KCND2: variants seen among roughly 807,000 people sequenced by gnomAD.
KCND2 encodes A-type voltage-gated potassium channel KCND2.
A neutral mutation model predicts 54.4 loss-of-function variants in KCND2; 16 were observed. That is an observed-to-expected ratio of 0.29 (90% confidence interval 0.20 to 0.45). The LOEUF (loss-of-function observed/expected upper bound fraction) is 0.45, where lower values mean the gene tolerates loss of function less well. Ranked by LOEUF, KCND2 falls within the 20% of genes least tolerant of loss-of-function variation. KCND2 has a pLI of 1.00. For missense variants in KCND2, 486 were observed against 824.2 expected, an observed-to-expected ratio of 0.59 and a Z score of 5.02; for synonymous variants, 317 against 310.7, an observed-to-expected ratio of 1.02 and a Z score of -0.21.
At position 120,719,043 on chromosome 7, in the gene KCND2, A is replaced by G. The variant is rs554672546; in HGVS notation, c.1116-13860A>G. On this transcript the variant is annotated intron_variant, in intron 1 of 5. Coordinates refer to ENST00000331113, the MANE Select transcript of KCND2 (RefSeq NM_012281.3). ...TTTGTGATCAGCATCAAAGTTTCCA[A>G]CTCCCTATAGAAACTAGATACGTTT... Among the ~76,000 whole-genome samples, 9 of 152,204 alleles carry G rather than the reference A, an allele frequency of 5.9e-5. No individual in the cohort carries two copies. In the East Asian group the frequency reaches 1.5e-3, roughly 26 times the overall value.
chr7:120,550,272 G>T (rs767034228), intron 1 of KCND2, among the ~76,000 whole-genome samples: 1 of 152,004 alleles, frequency 6.6e-6, no homozygotes, highest in Non-Finnish European at 1.5e-5. Flanking sequence ...GCTTAGTGAG[G>T]CATGCAGTGA....
intron 1 of KCND2, among the ~76,000 whole-genome samples, chr7:120,430,790 C>T (rs1455854556): frequency 1.3e-5 from 2 of 152,216 alleles, no homozygotes; most frequent in Non-Finnish European, 2.9e-5. Flanking sequence ...CAGCCATCTT[C>T]TGTAAGCCAC....
intron 1 of KCND2, among the ~76,000 whole-genome samples, chr7:120,634,393 A>C (rs1055035086): frequency 6.6e-6 from 1 of 152,132 alleles, no homozygotes; most frequent in Non-Finnish European, 1.5e-5. Context: ...TCCCTACTTG[A>C]ATGTCTCAAA....
intron 1 of KCND2, among the ~76,000 whole-genome samples, chr7:120,487,648 A>G (rs934180428): frequency 3.9e-5 from 6 of 152,120 alleles, no homozygotes; most frequent in Non-Finnish European, 7.4e-5. Context: ...TGCAGTGACC[A>G]TGTGTGGTCT....
At chr7:120,604,762 G>A (rs1792860361) in intron 1 of KCND2, among the ~76,000 whole-genome samples, 1 of 150,910 alleles carries the variant, frequency 6.6e-6, no homozygotes, top group Admixed American at 6.6e-5. Context: ...AGTACAGAAT[G>A]TAACAAGAAA....
intron 1 of KCND2, among the ~76,000 whole-genome samples, chr7:120,353,301 C>T (rs1460290961): frequency 1.3e-5 from 2 of 151,868 alleles, no homozygotes; most frequent in Non-Finnish European, 2.9e-5. Flanking sequence ...TTCTTCAAAA[C>T]CTACCTACAG....
chr7:120,363,308 T>C (rs1485201445), intron 1 of KCND2, among the ~76,000 whole-genome samples: 6 of 152,006 alleles, frequency 3.9e-5, no homozygotes, highest in Non-Finnish European at 8.8e-5. Context: ...CATCTATATA[T>C]ATATATCTCC....
At chr7:120,350,821 A>G (rs910491481) in intron 1 of KCND2, among the ~76,000 whole-genome samples, 4 of 152,184 alleles carry the variant, frequency 2.6e-5, no homozygotes, top group Admixed American at 1.3e-4. Flanking sequence ...GCCAACTTCT[A>G]AGTTGTGTTT....
At chr7:120,478,296 A>T (rs1802558483) in intron 1 of KCND2, among the ~76,000 whole-genome samples, 1 of 152,176 alleles carries the variant, frequency 6.6e-6, no homozygotes, top group African/African-American at 2.4e-5. Context: ...GACACTTTTA[A>T]ATTGTCCTTT....
intron 1 of KCND2, among the ~76,000 whole-genome samples, chr7:120,312,887 G>A (rs1374232461): frequency 1.3e-5 from 2 of 152,058 alleles, no homozygotes; most frequent in Admixed American, 6.5e-5. Context: ...AGGAAAACTT[G>A]TGACTTTTTT....
intron 1 of KCND2, among the ~76,000 whole-genome samples, chr7:120,281,510 C>T (rs1250089075): frequency 1.3e-5 from 2 of 151,658 alleles, no homozygotes; most frequent in African/African-American, 4.8e-5. Context: ...CTTTAGTTTT[C>T]TCCTTTGAGA....
In KCND2 at chr7:120,297,550, T is replaced by A. The variant is rs563188163; in HGVS notation, c.1115+21803T>A. On this transcript the variant is annotated intron_variant, in intron 1 of 5. Transcript: ENST00000331113. Reference sequence around the variant, plus strand: ...GATATCTTGTTGATACAATGACCTATTTTTCCTCTGAGCAGATACCCAGAG... The same window carrying A: ...GATATCTTGTTGATACAATGACCTAATTTTCCTCTGAGCAGATACCCAGAG... Among the ~76,000 whole-genome samples the A allele has an allele frequency of 5.9e-5, 9 of 152,220 alleles. No individual in the cohort carries two copies. In the East Asian group the frequency reaches 1.5e-3, roughly 26 times the overall value.
At chr7:120,715,664 G>C (rs1398873582) in intron 1 of KCND2, among the ~76,000 whole-genome samples, 1 of 152,080 alleles carries the variant, frequency 6.6e-6, no homozygotes, top group Admixed American at 6.6e-5. Flanking sequence ...CTACTGAACA[G>C]TACATCACAC....
chr7:120,699,335 A>C (rs1409807398), intron 1 of KCND2, among the ~76,000 whole-genome samples: 1 of 152,194 alleles, frequency 6.6e-6, no homozygotes, highest in Non-Finnish European at 1.5e-5. Context: ...TTATGGATCA[A>C]TTTGCAAAGG....
At chr7:120,645,529 G>T (rs1204369116) in intron 1 of KCND2, among the ~76,000 whole-genome samples, 1 of 152,026 alleles carries the variant, frequency 6.6e-6, no homozygotes, top group Non-Finnish European at 1.5e-5. Flanking sequence ...CACATGACAA[G>T]TGGCATGCTA....
At chr7:120,378,492 G>A (rs941920718) in intron 1 of KCND2, among the ~76,000 whole-genome samples, 3 of 151,914 alleles carry the variant, frequency 2.0e-5, no homozygotes, top group African/African-American at 7.2e-5. Context: ...TTCTTTAGTG[G>A]CCGCTGTATT....
chr7:120,625,084 G>T (rs1294206984), intron 1 of KCND2, among the ~76,000 whole-genome samples: 1 of 152,038 alleles, frequency 6.6e-6, no homozygotes, highest in Non-Finnish European at 1.5e-5. Context: ...ATGAGACTTG[G>T]CCCATACTCT....
intron 1 of KCND2, among the ~76,000 whole-genome samples, chr7:120,432,393 A>G (rs1443449821): frequency 1.3e-5 from 2 of 152,108 alleles, no homozygotes; most frequent in African/African-American, 4.8e-5. Flanking sequence ...ATATCAGTGT[A>G]CTGTATTTGT....
intron 1 of KCND2, among the ~76,000 whole-genome samples, chr7:120,369,010 A>G (rs1431926010): frequency 6.6e-6 from 1 of 152,036 alleles, no homozygotes; most frequent in African/African-American, 2.4e-5. Context: ...TGTTCACACC[A>G]GAGTTTGTTA....
Sources: gnomAD v4.1 joint callset for allele counts (sites outside exome capture counted in the v4.1 genomes callset) on GRCh38, gnomAD v4.1.1 for gene constraint, MANE v1.5 for transcripts, NCBI Gene and HGNC (gene_info 2026-07-23, HGNC 2026-07-21) for gene names.